The following IGSF9B variants were observed in gnomAD, a reference collection of about 807,000 sequenced individuals.
The protein encoded by IGSF9B is protein turtle homolog B.
A neutral mutation model predicts 143.7 loss-of-function variants in IGSF9B; 48 were observed. That is an observed-to-expected ratio of 0.33 (90% CI 0.26 to 0.42). The LOEUF is 0.42. IGSF9B is among the 20% of genes least tolerant of loss of function. The pLI, the probability that IGSF9B is intolerant of heterozygous loss-of-function variation, is 1.00. For missense variants in IGSF9B, 1,706 were observed against 1,980.0 expected, an observed-to-expected ratio of 0.86 and a Z score of 2.63; for synonymous variants, 903 against 833.1, an observed-to-expected ratio of 1.08 and a Z score of -1.44.
At chr11:133,926,107 T>G in intron 13 of IGSF9B, 142 bp from the exon 14 acceptor site, 1 of 637,654 alleles carries the variant, frequency 1.6e-6, no homozygotes, top group Non-Finnish European at 2.8e-6. Context: ...GGGTTCTGCC[T>G]TCAGAGTACG....
chr11:133,956,887 G>T lies in IGSF9B; in HGVS notation c.-133C>A, dbSNP rs565874392. On this transcript the variant is annotated 5_prime_UTR_variant, in exon 1 of 20. Coordinates refer to ENST00000533871, the MANE Select transcript of IGSF9B (RefSeq NM_001277285.4). ...CCCCGCGCCGGTGCTCCTGCAGCCC[G>T]GGTGGCCAGCTCTCCATCCCTCCTA... 8.8e-6 allele frequency: 4 copies of T among 456,066 alleles called. No homozygotes were observed. The highest frequency in any genetic ancestry group is 1.1e-4 in the South Asian group (1 of 9,308). The allele number at this position is 456,066 out of a possible 1,614,324, so 28.3% of individuals were successfully genotyped here.
At chr11:133,919,464 C>A (rs918297345) in intron 18 of IGSF9B, among the ~76,000 whole-genome samples, 1 of 152,220 alleles carries the variant, frequency 6.6e-6, no homozygotes, top group African/African-American at 2.4e-5. Flanking sequence ...TGTGATCCGC[C>A]GCTCCCTGGT....
In IGSF9B at chr11:133,908,822, A is replaced by ATCT; in HGVS notation, c.*246_*247insAGA. ...TGAAGCAGGGGGCGGAGGGGAGGAG[A>ATCT]CAGGTGTTGCCCAGTCTCCAATCCA... On this transcript the variant is annotated 3_prime_UTR_variant, in exon 20 of 20. Transcript: ENST00000533871. The ATCT allele has an allele frequency of 1.7e-5, 8 of 470,956 alleles. No homozygotes were observed. Among genetic ancestry groups the ATCT allele is most frequent in the South Asian group, 3.8e-5 (1 of 26,010 alleles). 29.2% of individuals were successfully genotyped at this position (470,956 alleles called of 1,614,324 possible).
intron 1 of IGSF9B, among the ~76,000 whole-genome samples, chr11:133,949,432 C>G (rs1005325962): frequency 1.3e-5 from 2 of 152,148 alleles, no homozygotes; most frequent in East Asian, 3.8e-4. Flanking sequence ...ATAACACACT[C>G]TCTCCAGAAA....
intron 1 of IGSF9B, chr11:133,951,987 C>T (rs1324306969): frequency 4.4e-6 from 2 of 449,904 alleles, no homozygotes; most frequent in East Asian, 7.0e-5. Flanking sequence ...ATCTCGGGGG[C>T]ACACACGACC....
chr11:133,941,538 T>C (rs566816839), intron 3 of IGSF9B, among the ~76,000 whole-genome samples: 1 of 152,352 alleles, frequency 6.6e-6, no homozygotes, highest in South Asian at 2.1e-4. Flanking sequence ...CGGAAATTTT[T>C]ATGCTGGAAG....
rs1939234290 is a variant in IGSF9B at position 133,907,892 on chromosome 11, C to T, written c.*1177G>A. On this transcript the variant is annotated 3_prime_UTR_variant, in exon 20 of 20. Coordinates refer to ENST00000533871, the MANE Select transcript of IGSF9B (RefSeq NM_001277285.4). ...CGAAGGCCCCGGGGCAGAGAAGAGT[C>T]GGCAGGCAGCACGTGGTGAGTGCGG... Among the ~76,000 whole-genome samples, 2 of 152,198 alleles carry T rather than the reference C, an allele frequency of 1.3e-5. No individual in the cohort carries two copies. Among genetic ancestry groups the T allele is most frequent in the Non-Finnish European group, 1.5e-5 (1 of 68,036 alleles).
chr11:133,923,122 G>A (rs1939571540), intron 15 of IGSF9B, among the ~76,000 whole-genome samples: 1 of 152,196 alleles, frequency 6.6e-6, no homozygotes. Flanking sequence ...AAATGAAAGA[G>A]CTCTGATCCA....
chr11:133,913,564 G>A lies in IGSF9B; in HGVS notation c.3984-1557C>T, dbSNP rs919877203. Among the ~76,000 whole-genome samples, 3 of 152,174 alleles carry A rather than the reference G, an allele frequency of 2.0e-5. No homozygotes were observed. The highest frequency in any genetic ancestry group is 4.4e-5 in the Non-Finnish European group (3 of 68,042). On this transcript the variant is annotated intron_variant, in intron 18 of 19. Transcript: ENST00000533871. This position sits in a 1 kb window ranked among gnomAD's most constrained non-coding sequence, Gnocchi z 4.6. The stretch of plus-strand genomic sequence containing the variant: ...AGGCTCCCTCAAAGTTCAGGTCACG[G>A]TCAACCTCTTGACTTTCCATAGCCC...
chr11:133,927,826 G>A (rs1939654893), intron 12 of IGSF9B, among the ~76,000 whole-genome samples: 1 of 152,168 alleles, frequency 6.6e-6, no homozygotes, highest in African/African-American at 2.4e-5. Context: ...TCTCCTTGCA[G>A]CCCTGAGCTG....
chr11:133,918,784 G>C (rs946678500), intron 18 of IGSF9B, among the ~76,000 whole-genome samples: 1 of 150,894 alleles, frequency 6.6e-6, no homozygotes, highest in African/African-American at 2.4e-5. Flanking sequence ...ATCGAGAAGA[G>C]AGACCAAAGG....
At chr11:133,952,759 A>G (rs1316630608) in intron 1 of IGSF9B, among the ~76,000 whole-genome samples, 2 of 151,616 alleles carry the variant, frequency 1.3e-5, no homozygotes, top group African/African-American at 4.8e-5. Flanking sequence ...GTACACATAT[A>G]GGAACATGTG....
At chr11:133,935,961 C>T (rs935834540) in intron 6 of IGSF9B, 92 bp downstream of exon 6, 30 of 1,490,144 alleles carry the variant, frequency 2.0e-5, no homozygotes, top group Non-Finnish European at 2.6e-5. Context: ...CCAAGAGCCA[C>T]GGGCAGCCTG....
At chr11:133,910,269 G>A (rs1469819460) in intron 19 of IGSF9B, among the ~76,000 whole-genome samples, 1 of 152,234 alleles carries the variant, frequency 6.6e-6, no homozygotes, top group Non-Finnish European at 1.5e-5. Flanking sequence ...GTGTCCTGCA[G>A]TTCGCCGTGG....
Position 133,937,981 on chromosome 11 carries a change from GAT to G in IGSF9B, c.410-22_410-21del. ...GAGGGGCTGCAAAGGAGACCACAAAGATGAAGGACACGCCATCAGCCACATCG... is the reference window on the plus strand; with the variant it reads ...GAGGGGCTGCAAAGGAGACCACAAAGGAAGGACACGCCATCAGCCACATCG... On this transcript the variant is annotated intron_variant, in intron 3 of 19. Coordinates refer to ENST00000533871, the MANE Select transcript of IGSF9B (RefSeq NM_001277285.4). 6.2e-7 allele frequency: 1 copy of G among 1,612,124 alleles called. No homozygotes were observed. The highest frequency in any genetic ancestry group is 8.5e-7 in the Non-Finnish European group (1 of 1,178,856).
In IGSF9B at chr11:133,909,301, C is replaced by CA. The variant is rs765267947; in HGVS notation, c.4106-25dup. On this transcript the variant is annotated intron_variant, in intron 19 of 19. Coordinates refer to ENST00000533871, the MANE Select transcript of IGSF9B (RefSeq NM_001277285.4). The surrounding 1 kb of genome is among the most constrained non-coding windows in gnomAD (Gnocchi z 4.2). ...GTCTAGGAAGAAAGGAAGAGGGACGCAAAAGAGAAGCAAGCGGATGAAAAG... is the reference window on the plus strand; with the variant it reads ...GTCTAGGAAGAAAGGAAGAGGGACGCAAAAAGAGAAGCAAGCGGATGAAAAG... The CA allele has an allele frequency of 6.3e-5, 95 of 1,518,538 alleles. No individual in the cohort carries two copies. The African/African-American group carries it at 1.2e-3, about 20-fold the overall frequency. The allele number at this position is 1,518,538 out of a possible 1,614,324, so 94.1% of individuals were successfully genotyped here. A position where few individuals can be genotyped will look rare whatever the true frequency, so the allele number is the denominator to read the frequency against.
Position 133,920,071 on chromosome 11 carries a change from G to A in IGSF9B, c.3654C>T (p.Leu1218=). ...CCGGGCGAGGCCGGGCACGGGCGGC[G>A]AGCTCAGGGGAGCCGGTGCGGGAGC... ...PLSSRTGSPE[L]AARARPRPGL... is the part of the protein sequence containing the mutation. The change falls in exon 18 of 20, where the codon CTC becomes CTT. Residue 1218 remains leucine (L), a synonymous_variant. Coordinates refer to ENST00000533871, the MANE Select transcript of IGSF9B (RefSeq NM_001277285.4). 6.5e-7 allele frequency: 1 copy of A among 1,534,470 alleles called. No homozygotes were observed. Among genetic ancestry groups the A allele is most frequent in the Non-Finnish European group, 8.8e-7 (1 of 1,141,780 alleles).
At chr11:133,916,693 G>A (rs1051220627) in intron 18 of IGSF9B, among the ~76,000 whole-genome samples, 2 of 152,228 alleles carry the variant, frequency 1.3e-5, no homozygotes, top group Admixed American at 1.3e-4. Context: ...CACTGGGAAA[G>A]GAGAGGGTCA....
intron 3 of IGSF9B, among the ~76,000 whole-genome samples, chr11:133,941,727 C>T (rs997827887): frequency 1.3e-5 from 2 of 152,146 alleles, no homozygotes; most frequent in African/African-American, 4.8e-5. Context: ...CCCAGCTTTC[C>T]CGCCCAGCAT....
Sources: gnomAD v4.1 joint callset for allele counts (sites outside exome capture counted in the v4.1 genomes callset) on GRCh38, gnomAD v4.1.1 for gene constraint, Gnocchi (gnomAD v3.1) non-coding constraint, MANE v1.5 for transcripts, NCBI Gene and HGNC (gene_info 2026-07-23, HGNC 2026-07-21) for gene names.